Variants in RAB10 observed in about 807,000 individuals in gnomAD.
RAB10 encodes ras-related protein Rab-10.
A neutral mutation model predicts 25.7 loss-of-function variants in RAB10; 5 were observed. The ratio of observed to expected loss-of-function variants is 0.19; its 90% CI spans 0.10 to 0.41. The LOEUF is 0.41. Among genes scored for constraint, RAB10 ranks in the 10% least tolerant of loss-of-function variants. The pLI is 1.00. For synonymous variants in RAB10, 89 were observed against 86.4 expected (o/e 1.03, Z -0.16); for missense variants, 103 against 245.8 (o/e 0.42, Z 3.89).
intron 3 of RAB10, among the ~76,000 whole-genome samples, chr2:26,114,387 G>A (rs1323925857): frequency 2.0e-5 from 3 of 152,108 alleles, no homozygotes; most frequent in Non-Finnish European, 4.4e-5. Context: ...CTGACATAAG[G>A]ATAGTCATAA....
chr2:26,136,652 A>G lies in RAB10; in HGVS notation c.*1631A>G, dbSNP rs1668118877. The G allele has an allele frequency of 6.6e-6, 1 of 152,660 alleles. No homozygotes were observed. Among genetic ancestry groups the G allele is most frequent in the African/African-American group, 2.4e-5 (1 of 41,466 alleles). 9.5% of individuals were successfully genotyped at this position (152,660 alleles called of 1,614,324 possible). A position where few individuals can be genotyped will look rare whatever the true frequency, so the allele number is the denominator to read the frequency against. On this transcript the variant is annotated 3_prime_UTR_variant, in exon 6 of 6. Transcript: ENST00000264710. ...GTGAATAGCATGATTCATTTCTAGC[A>G]GAGGCTGAGTTTAGGACAGCAGCTT...
At chr2:26,105,061 G>C (rs1667439090) in intron 2 of RAB10, among the ~76,000 whole-genome samples, 1 of 152,032 alleles carries the variant, frequency 6.6e-6, no homozygotes, top group Admixed American at 6.6e-5. Flanking sequence ...TTTATATATG[G>C]TATGGGGTAG....
At chr2:26,086,459 A>G (rs1287859401) in intron 1 of RAB10, among the ~76,000 whole-genome samples, 1 of 152,240 alleles carries the variant, frequency 6.6e-6, no homozygotes, top group South Asian at 2.1e-4. Context: ...GAAAGTAACA[A>G]GTATGATTGA....
chr2:26,102,439 CTTTTTTTTTTT>C (rs562310195), intron 2 of RAB10, among the ~76,000 whole-genome samples: 2 of 124,372 alleles, frequency 1.6e-5, no homozygotes, highest in East Asian at 2.3e-4. Context: ...TTTTTTCTTT[CTTTTTTTTTTT>C]TTTTTTGAGA....
At chr2:26,129,395 T>C (rs1667968882) in intron 5 of RAB10, among the ~76,000 whole-genome samples, 1 of 152,120 alleles carries the variant, frequency 6.6e-6, no homozygotes, top group South Asian at 2.1e-4. Context: ...TATTAATATA[T>C]TTTTCTAAAA....
chr2:26,063,180 GTCC>G lies in RAB10; in HGVS notation c.127+28451_127+28453del, dbSNP rs1312550373. 8.6e-5 allele frequency among the ~76,000 whole-genome samples: 13 copies of G among 151,946 alleles called. No homozygotes were observed. In the East Asian group the frequency reaches 2.3e-3, roughly 27 times the overall value. ...AATCTAATGGTCAATCTATTAGACT[GTCC>G]TCCTCAGGCTCGCTTTCTTGTGTAG... On this transcript the variant is annotated intron_variant, in intron 1 of 5. Coordinates refer to ENST00000264710, the MANE Select transcript of RAB10 (RefSeq NM_016131.5).
intron 5 of RAB10, among the ~76,000 whole-genome samples, chr2:26,130,905 T>TTAC (rs777734622): frequency 2.6e-4 from 39 of 152,098 alleles, no homozygotes; most frequent in Non-Finnish European, 4.6e-4. Context: ...CTGGCAGGAG[T>TTAC]TACTGCAAGA....
intron 1 of RAB10, among the ~76,000 whole-genome samples, chr2:26,056,210 C>G (rs1666261857): frequency 6.6e-6 from 1 of 151,396 alleles, no homozygotes; most frequent in South Asian, 2.1e-4. Context: ...CTCTTTTTTC[C>G]TTTTTTTGAG....
At chr2:26,114,036 A>G (rs1667633415) in intron 3 of RAB10, among the ~76,000 whole-genome samples, 1 of 152,206 alleles carries the variant, frequency 6.6e-6, no homozygotes, top group Non-Finnish European at 1.5e-5. Flanking sequence ...TAACCAAAAG[A>G]GTGTAAGACT....
At chr2:26,094,201 T>TA (rs761944668) in intron 1 of RAB10, among the ~76,000 whole-genome samples, 25 of 149,394 alleles carry the variant, frequency 1.7e-4, no homozygotes, top group Non-Finnish European at 2.1e-4. Context: ...TTTCCTTACT[T>TA]AAAAAAAAAG....
Position 26,081,748 on chromosome 2 carries a change from T to G in RAB10, c.128-16914T>G, listed in dbSNP as rs1666872594. Reference sequence around the variant, plus strand: ...TTTCGAAATAAAAAGTTTCTTAAATTTACTTTCAAAAAAGGAATTTAAAAA... The same window carrying G: ...TTTCGAAATAAAAAGTTTCTTAAATGTACTTTCAAAAAAGGAATTTAAAAA... On this transcript the variant is annotated intron_variant, in intron 1 of 5. Transcript: ENST00000264710. 2.0e-5 allele frequency among the ~76,000 whole-genome samples: 3 copies of G among 152,228 alleles called. No individual in the cohort carries two copies. In the South Asian group the frequency reaches 6.2e-4, roughly 32 times the overall value.
chr2:26,053,014 T>C (rs899799136), intron 1 of RAB10, among the ~76,000 whole-genome samples: 1 of 152,228 alleles, frequency 6.6e-6, no homozygotes, highest in Non-Finnish European at 1.5e-5. Flanking sequence ...GTGGTTACAG[T>C]TGCAATGTCT....
At chr2:26,103,104 G>A (rs1431562204) in intron 2 of RAB10, among the ~76,000 whole-genome samples, 2 of 152,172 alleles carry the variant, frequency 1.3e-5, no homozygotes, top group African/African-American at 4.8e-5. Flanking sequence ...AAGGTCCAAG[G>A]AAGCTAAGTA....
Position 26,113,077 on chromosome 2 carries a change from T to A in RAB10, c.327+3171T>A, listed in dbSNP as rs115245530. On this transcript the variant is annotated intron_variant, in intron 3 of 5. Coordinates refer to ENST00000264710, the MANE Select transcript of RAB10 (RefSeq NM_016131.5). ...TCCATCCTGGGCAGCAGAGTGCAAC[T>A]CCGTCTCAAAAAGAAAGAAAGAGGA... Among the ~76,000 whole-genome samples, 945 of 152,078 alleles carry A rather than the reference T, an allele frequency of 6.2e-3. 12 individuals are homozygous for A. The highest frequency in any genetic ancestry group is 0.021 in the African/African-American group (884 of 41,490).
At chr2:26,073,504 G>A (rs1162247692) in intron 1 of RAB10, among the ~76,000 whole-genome samples, 1 of 152,168 alleles carries the variant, frequency 6.6e-6, no homozygotes, top group African/African-American at 2.4e-5. Flanking sequence ...AGGATCAGAT[G>A]GATTTTCCTT....
chr2:26,035,731 A>G (rs1011167697), intron 1 of RAB10, among the ~76,000 whole-genome samples: 4 of 152,140 alleles, frequency 2.6e-5, no homozygotes, highest in Admixed American at 2.6e-4. Flanking sequence ...CCATTTTTAA[A>G]TGTACTTTTA....
At chr2:26,114,763 G>C (rs1382152995) in intron 3 of RAB10, among the ~76,000 whole-genome samples, 1 of 142,548 alleles carries the variant, frequency 7.0e-6, no homozygotes. Flanking sequence ...AAATTAGTCG[G>C]GTATGGTGGT....
chr2:26,082,103 TTAA>T (rs1004598999), intron 1 of RAB10, among the ~76,000 whole-genome samples: 7 of 152,178 alleles, frequency 4.6e-5, no homozygotes, highest in African/African-American at 1.7e-4. Flanking sequence ...GTAAAATATT[TTAA>T]TGTTTTATAG....
At chr2:26,097,640 TACTC>T (rs1444901655) in intron 1 of RAB10, among the ~76,000 whole-genome samples, 1 of 152,206 alleles carries the variant, frequency 6.6e-6, no homozygotes, top group African/African-American at 2.4e-5. Flanking sequence ...TCTTGATACA[TACTC>T]AGTCTGCACT....
Sources: gnomAD v4.1 joint callset for allele counts (sites outside exome capture counted in the v4.1 genomes callset) on GRCh38, gnomAD v4.1.1 for gene constraint, MANE v1.5 for transcripts, NCBI Gene and HGNC (gene_info 2026-07-23, HGNC 2026-07-21) for gene names.